Variants in ENOX1 observed in about 807,000 individuals in gnomAD.
The protein encoded by ENOX1 is ecto-NOX disulfide-thiol exchanger 1.
A neutral mutation model predicts 82.5 loss-of-function variants in ENOX1; 42 were observed. The ratio of observed to expected loss-of-function variants is 0.51; its 90% CI spans 0.40 to 0.66. The LOEUF (loss-of-function observed/expected upper bound fraction) is 0.66. ENOX1 is among the 30% of genes least tolerant of loss of function. The pLI, the probability that ENOX1 is intolerant of heterozygous loss-of-function variation, is 0.00. For synonymous variants in ENOX1, 271 were observed against 282.2 expected, an observed-to-expected ratio of 0.96 and a Z score of 0.40; for missense variants, 608 against 811.6, an observed-to-expected ratio of 0.75 and a Z score of 3.05.
intron 14 of ENOX1, among the ~76,000 whole-genome samples, chr13:43,257,348 C>G (rs1042356938): frequency 3.9e-5 from 6 of 152,062 alleles, no homozygotes; most frequent in African/African-American, 1.4e-4. Context: ...TCCAATTGTC[C>G]TGATTTGATC....
intron 2 of ENOX1, among the ~76,000 whole-genome samples, chr13:43,623,978 C>T (rs548224831): frequency 9.9e-5 from 15 of 152,102 alleles, no homozygotes; most frequent in South Asian, 2.1e-4. Flanking sequence ...ATGATAGTTG[C>T]GTGTTTAGTT....
At chr13:43,295,814 T>C (rs7323082) in intron 12 of ENOX1, among the ~76,000 whole-genome samples, 1,736 of 152,292 alleles carry the variant, frequency 0.011, 44 homozygotes, top group African/African-American at 0.04. Flanking sequence ...AGGTAGATCA[T>C]GATAGAAACA....
rs920021785 is a variant in ENOX1 at position 43,662,300 on chromosome 13, T to C, written c.-219+5179A>G. On this transcript the variant is annotated intron_variant, in intron 2 of 16. Transcript: ENST00000690772. ...CATAAATATATTTCTGAATTTGTGA[T>C]TGTCTCCAGATCTGCAACTGAGAAG... is the stretch of plus-strand genomic sequence containing the variant. Among the ~76,000 whole-genome samples, 206 of 152,314 alleles carry C rather than the reference T, an allele frequency of 1.4e-3. 1 individual carries two copies. Among genetic ancestry groups the C allele is most frequent in the African/African-American group, 4.9e-3 (204 of 41,566 alleles).
chr13:43,519,400 A>T (rs1277759590), intron 2 of ENOX1, among the ~76,000 whole-genome samples: 1 of 152,184 alleles, frequency 6.6e-6, no homozygotes, highest in East Asian at 1.9e-4. Context: ...CAAATTCTTT[A>T]GCCTAAAAAC....
At chr13:43,772,271 G>T (rs183123521) in intron 1 of ENOX1, among the ~76,000 whole-genome samples, 1 of 152,184 alleles carries the variant, frequency 6.6e-6, no homozygotes, top group East Asian at 1.9e-4. Context: ...GGTACTCAAA[G>T]AAGATAATCT....
intron 12 of ENOX1, 94 bp from the exon 13 acceptor site, chr13:43,269,671 T>C: frequency 1.0e-6 from 1 of 981,820 alleles, no homozygotes; most frequent in Non-Finnish European, 1.6e-6. Context: ...GAGTAGAAGA[T>C]GTTTACAAGT....
intron 15 of ENOX1, among the ~76,000 whole-genome samples, chr13:43,236,283 G>T (rs1467978230): frequency 6.6e-6 from 1 of 152,170 alleles, no homozygotes; most frequent in East Asian, 1.9e-4. Flanking sequence ...AGCTGCTCTT[G>T]AGCCTGGGGA....
intron 2 of ENOX1, among the ~76,000 whole-genome samples, chr13:43,554,423 C>T (rs138470654): frequency 1.3e-5 from 2 of 152,270 alleles, no homozygotes; most frequent in East Asian, 1.9e-4. Flanking sequence ...TAGTGCTATA[C>T]AATTTACAAA....
intron 15 of ENOX1, among the ~76,000 whole-genome samples, chr13:43,225,992 A>G (rs2042005891): frequency 6.6e-6 from 1 of 152,204 alleles, no homozygotes; most frequent in Non-Finnish European, 1.5e-5. Flanking sequence ...GAAGGCAATG[A>G]TGATACTTTA....
intron 2 of ENOX1, among the ~76,000 whole-genome samples, chr13:43,619,939 T>C (rs1049099949): frequency 1.3e-5 from 2 of 152,142 alleles, no homozygotes; most frequent in African/African-American, 2.4e-5. Context: ...CTGCTTGCTA[T>C]TGGTCTGTTC....
At chr13:43,313,002 T>C (rs1226022835) in intron 11 of ENOX1, among the ~76,000 whole-genome samples, 2 of 152,158 alleles carry the variant, frequency 1.3e-5, no homozygotes, top group African/African-American at 4.8e-5. Context: ...AAATCCTTCG[T>C]TGATTTTATT....
At chr13:43,653,429 C>T (rs903663) in intron 2 of ENOX1, among the ~76,000 whole-genome samples, 150,470 of 152,318 alleles carry the variant, frequency 0.99, 74,349 homozygotes, top group Middle Eastern at 1. Context: ...TACAAACAAA[C>T]TTGAAAACAT....
At chr13:43,338,828 G>C (rs2048881245) in intron 9 of ENOX1, among the ~76,000 whole-genome samples, 1 of 151,790 alleles carries the variant, frequency 6.6e-6, no homozygotes, top group African/African-American at 2.4e-5. Flanking sequence ...TGGGACTACA[G>C]GCGCCCGCCA....
intron 1 of ENOX1, among the ~76,000 whole-genome samples, chr13:43,692,883 T>G (rs898813099): frequency 5.3e-5 from 8 of 152,246 alleles, no homozygotes; most frequent in African/African-American, 1.4e-4. Context: ...GACCCAGAAT[T>G]TTCACCAGAA....
At chr13:43,709,432 T>C (rs1226959963) in intron 1 of ENOX1, among the ~76,000 whole-genome samples, 3 of 152,068 alleles carry the variant, frequency 2.0e-5, no homozygotes, top group Non-Finnish European at 4.4e-5. Context: ...ATTATAATTT[T>C]AAGTACATTT....
At chr13:43,446,500 T>C (rs2325038) in intron 3 of ENOX1, among the ~76,000 whole-genome samples, 1 of 152,150 alleles carries the variant, frequency 6.6e-6, no homozygotes, top group Non-Finnish European at 1.5e-5. Flanking sequence ...GCTCCTTATC[T>C]TCTAGAATGC....
At chr13:43,379,995 C>T (rs140135059) in intron 5 of ENOX1, among the ~76,000 whole-genome samples, 1 of 151,792 alleles carries the variant, frequency 6.6e-6, no homozygotes, top group African/African-American at 2.4e-5. Flanking sequence ...AGCCAGAAGA[C>T]ACTAGAATAG....
At chr13:43,475,185 T>C (rs1323158) in intron 3 of ENOX1, among the ~76,000 whole-genome samples, 116,135 of 152,070 alleles carry the variant, frequency 0.76, 44,527 homozygotes, top group East Asian at 0.98. Context: ...AAGAAAATAG[T>C]ACTACTAATC....
chr13:43,759,543 A>C (rs1258459614), intron 1 of ENOX1, among the ~76,000 whole-genome samples: 1 of 152,196 alleles, frequency 6.6e-6, no homozygotes, highest in Non-Finnish European at 1.5e-5. Context: ...ATATCTGATA[A>C]AGTTGTTTTC....
Sources: allele counts gnomAD v4.1 joint callset (sites outside exome capture counted in the v4.1 genomes callset), GRCh38; gene constraint gnomAD v4.1.1; transcripts MANE v1.5; gene names NCBI Gene and HGNC (gene_info 2026-07-23, HGNC 2026-07-21).